Variants in SHISA6 observed in about 807,000 individuals in gnomAD.
SHISA6 encodes protein shisa-6.
Under a neutral mutation model 47.9 loss-of-function variants are expected in SHISA6, and 22 were observed. That is an observed-to-expected ratio of 0.46 (90% CI 0.33 to 0.66). The LOEUF is 0.66. Ranked by LOEUF, SHISA6 falls within the 30% of genes least tolerant of loss-of-function variation. The pLI, the probability that SHISA6 is intolerant of heterozygous loss-of-function variation, is 0.02. For missense variants in SHISA6, 680 were observed against 764.6 expected (o/e 0.89, Z 1.30); for synonymous variants, 388 against 337.8 (o/e 1.15, Z -1.63).
intron 3 of SHISA6, among the ~76,000 whole-genome samples, chr17:11,467,674 G>T (rs1459993015): frequency 6.6e-6 from 1 of 152,118 alleles, no homozygotes; most frequent in Admixed American, 6.5e-5. Flanking sequence ...TCACCTGTTT[G>T]GGGAGTGAGA....
intron 2 of SHISA6, among the ~76,000 whole-genome samples, chr17:11,275,316 T>TA (rs1908848990): frequency 6.6e-6 from 1 of 151,498 alleles, no homozygotes; most frequent in Non-Finnish European, 1.5e-5. Context: ...AGAGGAGGCT[T>TA]TTGGGGGCCT....
intron 1 of SHISA6, among the ~76,000 whole-genome samples, chr17:11,248,911 G>A (rs1205624087): frequency 3.3e-5 from 5 of 152,132 alleles, no homozygotes; most frequent in Admixed American, 2.0e-4. Flanking sequence ...AGGCCGAGGC[G>A]GGCAGATCAC....
In SHISA6 at chr17:11,534,157, C is replaced by CTT. The variant is rs373384700; in HGVS notation, c.896-17720_896-17719dup. On this transcript the variant is annotated intron_variant, in intron 3 of 5. Transcript: ENST00000441885. ...ACCATGCCTTGCTAATCTTTTTTTT[C>CTT]TTTTTTTTTTTTTTTTTTTTGTATT... Among the ~76,000 whole-genome samples the CTT allele has an allele frequency of 5.9e-3, 552 of 93,160 alleles. 5 individuals carry two copies. Among genetic ancestry groups the CTT allele is most frequent in the African/African-American group, 0.022 (507 of 23,152 alleles). 61.1% of individuals were successfully genotyped at this position (93,160 alleles called of 152,430 possible). A position where few individuals can be genotyped will look rare whatever the true frequency, so the allele number is the denominator to read the frequency against.
intron 3 of SHISA6, among the ~76,000 whole-genome samples, chr17:11,439,254 C>T (rs971189965): frequency 6.6e-5 from 10 of 152,084 alleles, no homozygotes; most frequent in Admixed American, 2.0e-4. Context: ...TGCATAGATG[C>T]GGTCAAGGGG....
At chr17:11,478,947 A>G (rs1019489354) in intron 3 of SHISA6, among the ~76,000 whole-genome samples, 2 of 152,010 alleles carry the variant, frequency 1.3e-5, no homozygotes, top group Admixed American at 6.6e-5. Context: ...GTTTTTCCCA[A>G]TTCTGTGAAG....
At chr17:11,409,968 A>T (rs1046238951) in intron 3 of SHISA6, among the ~76,000 whole-genome samples, 1 of 152,186 alleles carries the variant, frequency 6.6e-6, no homozygotes, top group Non-Finnish European at 1.5e-5. Context: ...GAAAGGTTAT[A>T]TGGAGATGAA....
At chr17:11,243,777 T>C (rs1203074104) in intron 1 of SHISA6, among the ~76,000 whole-genome samples, 2 of 152,206 alleles carry the variant, frequency 1.3e-5, no homozygotes, top group African/African-American at 2.4e-5. Context: ...CCTTCCCCTG[T>C]GGCCTTGGCC....
chr17:11,511,337 G>A (rs2071539776), intron 3 of SHISA6, among the ~76,000 whole-genome samples: 1 of 152,140 alleles, frequency 6.6e-6, no homozygotes, highest in Admixed American at 6.6e-5. Flanking sequence ...CCTAACGCAT[G>A]AGGGACTTAA....
chr17:11,348,064 T>C (rs1352990334), intron 2 of SHISA6, among the ~76,000 whole-genome samples: 2 of 152,202 alleles, frequency 1.3e-5, no homozygotes, highest in Admixed American at 1.3e-4. Context: ...ATATAGTGGC[T>C]TGGCAAAGCA....
At position 11,412,642 on chromosome 17, in the gene SHISA6, C is replaced by T. The variant is rs556495120; in HGVS notation, c.895+33133C>T. On this transcript the variant is annotated intron_variant, in intron 3 of 5. Coordinates refer to ENST00000441885, the MANE Select transcript of SHISA6 (RefSeq NM_207386.4). ...CTGCAAGCTCCACCTCCCAGGTTCA[C>T]GCCATTCTCCTGCCTCAGCCTCCCA... Among the ~76,000 whole-genome samples the T allele has an allele frequency of 1.4e-4, 22 of 151,798 alleles. 1 individual carries two copies. The highest frequency in any genetic ancestry group is 6.2e-4 in the South Asian group (3 of 4,812).
chr17:11,286,626 G>T (rs561473107), intron 2 of SHISA6, among the ~76,000 whole-genome samples: 1 of 152,296 alleles, frequency 6.6e-6, no homozygotes, highest in African/African-American at 2.4e-5. Flanking sequence ...ATCACGGAAA[G>T]ATTTTCTCAC....
rs539997016 is a variant in SHISA6, at chr17:11,490,622, G to T, written c.896-61274G>T. Among the ~76,000 whole-genome samples, 5 of 152,298 alleles carry T rather than the reference G, an allele frequency of 3.3e-5. No individual in the cohort carries two copies. In the East Asian group the frequency reaches 9.7e-4, roughly 29 times the overall value. On this transcript the variant is annotated intron_variant, in intron 3 of 5. Coordinates refer to ENST00000441885, the MANE Select transcript of SHISA6 (RefSeq NM_207386.4). ...TACTACGTTCTGGAGAAGTGCAGCC[G>T]GTGGTGACTTCGGATCCATATTCAC...
At chr17:11,517,411 T>C (rs2071594575) in intron 3 of SHISA6, among the ~76,000 whole-genome samples, 1 of 152,216 alleles carries the variant, frequency 6.6e-6, no homozygotes, top group South Asian at 2.1e-4. Flanking sequence ...ACCTCTTATC[T>C]GTAGCTATCT....
intron 3 of SHISA6, among the ~76,000 whole-genome samples, chr17:11,499,229 CT>C (rs1488924691): frequency 7.2e-5 from 11 of 152,212 alleles, no homozygotes; most frequent in Non-Finnish European, 1.5e-5. Context: ...GAGGCAAGAT[CT>C]GACACTGAGA....
intron 3 of SHISA6, among the ~76,000 whole-genome samples, chr17:11,433,474 G>A (rs974586624): frequency 3.3e-5 from 5 of 152,054 alleles, no homozygotes; most frequent in African/African-American, 1.2e-4. Context: ...TCTTTATCCA[G>A]GCTGTCATTG....
intron 3 of SHISA6, among the ~76,000 whole-genome samples, chr17:11,388,360 C>G (rs936662353): frequency 6.6e-6 from 1 of 152,062 alleles, no homozygotes; most frequent in Non-Finnish European, 1.5e-5. Flanking sequence ...TTGTGTGGCT[C>G]TATAGGTGAA....
At chr17:11,284,447 G>C (rs761065713) in intron 2 of SHISA6, among the ~76,000 whole-genome samples, 13 of 152,140 alleles carry the variant, frequency 8.5e-5, no homozygotes, top group Non-Finnish European at 1.5e-4. Context: ...AACAGGAATG[G>C]AGAAGGGCAG....
chr17:11,409,342 T>C (rs1429017658), intron 3 of SHISA6, among the ~76,000 whole-genome samples: 2 of 152,112 alleles, frequency 1.3e-5, no homozygotes, highest in Non-Finnish European at 2.9e-5. Context: ...AGATTAACAA[T>C]AAAATAGAAG....
intron 3 of SHISA6, among the ~76,000 whole-genome samples, chr17:11,430,916 G>A (rs1019517127): frequency 1.3e-5 from 2 of 152,204 alleles, no homozygotes; most frequent in African/African-American, 4.8e-5. Flanking sequence ...GAGGCTTAAC[G>A]GAAGCAGCAT....
Sources: allele counts gnomAD v4.1 joint callset (sites outside exome capture counted in the v4.1 genomes callset), GRCh38; gene constraint gnomAD v4.1.1; transcripts MANE v1.5; gene names NCBI Gene and HGNC (gene_info 2026-07-23, HGNC 2026-07-21).